The following CAMTA2 variants were observed in gnomAD, a reference collection of about 807,000 sequenced individuals.
CAMTA2 encodes calmodulin-binding transcription activator 2.
Under a neutral mutation model 135.7 loss-of-function variants are expected in CAMTA2, and 56 were observed. The observed-to-expected ratio is 0.41, with a 90% CI of 0.33 to 0.52. CAMTA2 has a LOEUF of 0.52. Among genes scored for constraint, CAMTA2 ranks in the 20% least tolerant of loss-of-function variants. CAMTA2 has a pLI of 0.16. For synonymous variants in CAMTA2, 591 were observed against 604.6 expected, an observed-to-expected ratio of 0.98 and a Z score of 0.33; for missense variants, 1,358 against 1,553.4, an observed-to-expected ratio of 0.87 and a Z score of 2.11.
chr17:4,971,170 C>A (rs1448833312), intron 16 of CAMTA2, among the ~76,000 whole-genome samples: 1 of 152,208 alleles, frequency 6.6e-6, no homozygotes, highest in African/African-American at 2.4e-5. Context: ...ACAAGACTTT[C>A]TTAGCTTTAT....
chr17:4,980,182 A>G lies in CAMTA2; in HGVS notation c.1140T>C (p.Phe380=). 6.3e-7 allele frequency: 1 copy of G among 1,575,838 alleles called. No homozygotes were observed. Among genetic ancestry groups the G allele is most frequent in the Middle Eastern group, 1.7e-4 (1 of 5,842 alleles). Reference sequence around the variant, plus strand: ...TCTGGCCCCTCTGGGGGCTGTTGAGAAAACGATCAGGGTCAAAGGCAGGAC... The same window carrying G: ...TCTGGCCCCTCTGGGGGCTGTTGAGGAAACGATCAGGGTCAAAGGCAGGAC... ...PPSPAFDPDR[F]LNSPQRGQTY... The change falls in exon 9 of 23, where the codon TTT becomes TTC. Residue 380 remains phenylalanine, a synonymous_variant. Coordinates refer to ENST00000348066, the MANE Select transcript of CAMTA2 (RefSeq NM_015099.4). This position sits in a 1 kb window ranked among gnomAD's most constrained non-coding sequence, Gnocchi z 5.3.
Position 4,968,688 on chromosome 17 carries a change from C to T in CAMTA2, c.*68G>A, listed in dbSNP as rs762308712. 4 of 1,586,888 alleles carry T rather than the reference C, an allele frequency of 2.5e-6. No homozygotes were observed. Among genetic ancestry groups the T allele is most frequent in the Non-Finnish European group, 3.4e-6 (4 of 1,159,608 alleles). ...CTGCCGACAGGGGCTCCCCCTGCCC[C>T]AGAAAGCCCTCTCCCTGTTAAGACT... On this transcript the variant is annotated 3_prime_UTR_variant, in exon 23 of 23. Transcript: ENST00000348066.
intron 10 of CAMTA2, 63 bp from the exon 11 acceptor site, chr17:4,977,255 G>A: frequency 2.5e-6 from 4 of 1,580,458 alleles, no homozygotes; most frequent in Non-Finnish European, 3.4e-6. Context: ...GGCTACCTGT[G>A]TCAGCCACAG....
At chr17:4,987,526 G>A (rs1474400644) in intron 1 of CAMTA2, 67 bp downstream of exon 1, 2 of 1,442,940 alleles carry the variant, frequency 1.4e-6, no homozygotes, top group Non-Finnish European at 1.8e-6. Context: ...GCTCCGCGTC[G>A]GGACCTGGAG....
intron 12 of CAMTA2, 196 bp downstream of exon 12, chr17:4,974,189 A>G (rs1475388240): frequency 3.5e-6 from 2 of 578,624 alleles, no homozygotes; most frequent in Non-Finnish European, 6.2e-6. Flanking sequence ...GAAGCCCGTC[A>G]TGCCAAGAGG....
chr17:4,981,160 C>T (rs1972934737), intron 8 of CAMTA2, 65 bp downstream of exon 8: 1 of 1,570,416 alleles, frequency 6.4e-7, no homozygotes, highest in Non-Finnish European at 8.7e-7. Context: ...TGGATATCCC[C>T]CTGGCTTGCG....
At chr17:4,986,984 C>T in intron 1 of CAMTA2, 1 of 1,470,588 alleles carries the variant, frequency 6.8e-7, no homozygotes, top group South Asian at 1.3e-5. Context: ...CAGCCTGAGC[C>T]CCCCGCCCTC....
At chr17:4,986,944 C>T in intron 1 of CAMTA2, 1 of 1,518,714 alleles carries the variant, frequency 6.6e-7, no homozygotes, top group Non-Finnish European at 8.8e-7. Context: ...GGCCTCCAGG[C>T]CTAGCCTACC....
rs778938109 is a variant in CAMTA2 at position 4,969,623 on chromosome 17, G to C, written c.3261+7C>G. Reference sequence around the variant, plus strand: ...CTGGTTACACTTTTGAGGGAGAAGGGTCTCACCTGCTTGTACTTCCGGTAA... The same window carrying C: ...CTGGTTACACTTTTGAGGGAGAAGGCTCTCACCTGCTTGTACTTCCGGTAA... On this transcript the variant is annotated splice_region_variant and intron_variant, in intron 19 of 22. Transcript: ENST00000348066. The surrounding 1 kb of genome is among the most constrained non-coding windows in gnomAD (Gnocchi z 5.6). 2 of 1,614,070 alleles carry C rather than the reference G, an allele frequency of 1.2e-6. No homozygotes were observed. The highest frequency in any genetic ancestry group is 3.3e-5 in the Admixed American group (2 of 60,022).
chr17:4,975,908 C>T (rs1326065998), intron 11 of CAMTA2, among the ~76,000 whole-genome samples: 2 of 152,138 alleles, frequency 1.3e-5, no homozygotes, highest in Non-Finnish European at 2.9e-5. Context: ...TAAATAAATA[C>T]ACACACACAT....
intron 1 of CAMTA2, 98 bp from the exon 2 acceptor site, chr17:4,986,384 T>C (rs772092898): frequency 4.6e-5 from 28 of 611,370 alleles, no homozygotes; most frequent in Non-Finnish European, 7.5e-5. Context: ...GGTCATAGTA[T>C]CTGGGAAGGA....
In CAMTA2 at chr17:4,968,670, C is replaced by G; in HGVS notation, c.*86G>C. On this transcript the variant is annotated 3_prime_UTR_variant, in exon 23 of 23. Transcript: ENST00000348066. The stretch of plus-strand genomic sequence containing the variant: ...CAAAGGTGAACAGGAAAGCTGCCGA[C>G]AGGGGCTCCCCCTGCCCCAGAAAGC... The G allele has an allele frequency of 6.6e-7, 1 of 1,516,420 alleles. No individual in the cohort carries two copies. Among genetic ancestry groups the G allele is most frequent in the South Asian group, 1.1e-5 (1 of 88,946 alleles). 93.9% of individuals were successfully genotyped at this position (1,516,420 alleles called of 1,614,324 possible).
In CAMTA2 at chr17:4,970,468, G is replaced by A. The variant is rs982611360; in HGVS notation, c.2877C>T (p.Phe959=). The change falls in exon 17 of 23, where the codon TTC becomes TTT. Residue 959 remains phenylalanine (F), a synonymous_variant. Coordinates refer to ENST00000348066, the MANE Select transcript of CAMTA2 (RefSeq NM_015099.4). ...AGGCTCCAGCCTCGGGCAGCCCCACGAAGTCCTCTCGTTTAATCCGCTCCG... is the reference window on the plus strand; with the variant it reads ...AGGCTCCAGCCTCGGGCAGCCCCACAAAGTCCTCTCGTTTAATCCGCTCCG... The part of the protein sequence containing the change: ...ATPERIKRED[F]VGLPEAGASM... The A allele has an allele frequency of 4.3e-6, 7 of 1,614,034 alleles. No homozygotes were observed. The highest frequency in any genetic ancestry group is 2.2e-5 in the East Asian group (1 of 44,900).
In CAMTA2 at chr17:4,973,620, G is replaced by A. The variant is rs776024057; in HGVS notation, c.2166C>T (p.Gly722=). 475 of 1,612,958 alleles carry A rather than the reference G, an allele frequency of 2.9e-4. 1 individual carries two copies. The highest frequency in any genetic ancestry group is 3.7e-4 in the Non-Finnish European group (442 of 1,179,610). Residue 722 remains glycine (G), a synonymous_variant, in exon 13 of 23, where the codon GGC becomes GGT. Coordinates refer to ENST00000348066, the MANE Select transcript of CAMTA2 (RefSeq NM_015099.4). ...TCAGGGTCTCGATGAGGCGGGCATAGCCCTGGGCAGCAGCCAGGTGCAGAA... is the reference window on the plus strand; with the variant it reads ...TCAGGGTCTCGATGAGGCGGGCATAACCCTGGGCAGCAGCCAGGTGCAGAA... The part of the protein sequence containing the change: ...MSLLHLAAAQ[G]YARLIETLSQ...
In CAMTA2 at chr17:4,968,728, C is replaced by T. The variant is rs1053009818; in HGVS notation, c.*28G>A. ...CTGTTAAGACTGCACGAGGCGCCCC[C>T]AGGGTGGTGAGAAAGGCGGTGGCCA... On this transcript the variant is annotated 3_prime_UTR_variant, in exon 23 of 23. Coordinates refer to ENST00000348066, the MANE Select transcript of CAMTA2 (RefSeq NM_015099.4). 6.2e-7 allele frequency: 1 copy of T among 1,613,808 alleles called. No homozygotes were observed. Among genetic ancestry groups the T allele is most frequent in the African/African-American group, 1.3e-5 (1 of 75,046 alleles).
intron 10 of CAMTA2, 115 bp downstream of exon 10, chr17:4,978,389 T>C (rs1972748241): frequency 8.7e-7 from 1 of 1,153,348 alleles, no homozygotes; most frequent in East Asian, 2.5e-5. Flanking sequence ...GATGAAGTCC[T>C]TGTGCTCTCA....
Position 4,980,650 on chromosome 17 carries a change from G to C in CAMTA2, c.701-29C>G. On this transcript the variant is annotated intron_variant, in intron 8 of 22. Transcript: ENST00000348066. This position sits in a 1 kb window ranked among gnomAD's most constrained non-coding sequence, Gnocchi z 5.3. ...GAGTGGAGAGGAGTAGGAGGGAGAG[G>C]AGATAAGACACATCATTCCGCACCT... 6.4e-7 allele frequency: 1 copy of C among 1,557,496 alleles called. No individual in the cohort carries two copies. The highest frequency in any genetic ancestry group is 1.4e-5 in the African/African-American group (1 of 73,702).
intron 1 of CAMTA2, chr17:4,987,290 G>A (rs1008928994): frequency 2.2e-6 from 3 of 1,344,174 alleles, no homozygotes; most frequent in South Asian, 2.0e-5. Flanking sequence ...GGAGGGTCCC[G>A]CCCGCATAGA....
rs1973348062 is a variant in CAMTA2, at chr17:4,986,733, C to T, written c.-64-447G>A. The stretch of plus-strand genomic sequence containing the variant: ...GAAGCTAGGCCTTTAGAAGACACGC[C>T]CTGAGTTCCTTCTCTGTTTGATTTT... On this transcript the variant is annotated intron_variant, in intron 1 of 22. Transcript: ENST00000348066. 13 of 554,546 alleles carry T rather than the reference C, an allele frequency of 2.3e-5. No homozygotes were observed. In the East Asian group the frequency reaches 4.3e-4, roughly 18 times the overall value. The allele number at this position is 554,546 out of a possible 1,614,324, so 34.4% of individuals were successfully genotyped here. A position where few individuals can be genotyped will look rare whatever the true frequency, so the allele number is the denominator to read the frequency against.
Sources: gnomAD v4.1 joint callset for allele counts (sites outside exome capture counted in the v4.1 genomes callset) on GRCh38, gnomAD v4.1.1 for gene constraint, Gnocchi (gnomAD v3.1) non-coding constraint, MANE v1.5 for transcripts, NCBI Gene and HGNC (gene_info 2026-07-23, HGNC 2026-07-21) for gene names.